Variants in ELMO1 observed in about 807,000 individuals in gnomAD.
ELMO1 encodes the protein engulfment and cell motility protein 1.
Under a neutral mutation model 98.9 loss-of-function variants are expected in ELMO1, and 26 were observed. The ratio of observed to expected loss-of-function variants is 0.26; its 90% CI spans 0.19 to 0.36. The LOEUF is 0.36. ELMO1 is among the 10% of genes least tolerant of loss of function. The pLI is 1.00. For missense variants in ELMO1, 627 were observed against 935.2 expected, an observed-to-expected ratio of 0.67 and a Z score of 4.30; for synonymous variants, 346 against 346.0, an observed-to-expected ratio of 1.00 and a Z score of 0.00.
rs566995811 is a variant in ELMO1, at chr7:37,333,969, C to T, written c.78+8644G>A. Among the ~76,000 whole-genome samples, 6 of 152,276 alleles carry T rather than the reference C, an allele frequency of 3.9e-5. No homozygotes were observed. In the South Asian group the frequency reaches 1.2e-3, roughly 32 times the overall value. On this transcript the variant is annotated intron_variant, in intron 2 of 21. Transcript: ENST00000310758. ...TCTTTAAAGGACTCACTAAAAGTTA[C>T]CGTGGGAGCCAAAGGTAGCTCCTGC...
At chr7:37,013,024 C>T (rs540800657) in intron 16 of ELMO1, among the ~76,000 whole-genome samples, 2 of 152,268 alleles carry the variant, frequency 1.3e-5, no homozygotes, top group Non-Finnish European at 2.9e-5. Context: ...GCCTTGATAA[C>T]GTGTCCCAAG....
At chr7:37,141,025 T>C (rs1055650453) in intron 13 of ELMO1, among the ~76,000 whole-genome samples, 1 of 152,186 alleles carries the variant, frequency 6.6e-6, no homozygotes, top group African/African-American at 2.4e-5. Context: ...GCAATCCCAC[T>C]ACTAGGTATT....
chr7:37,139,969 G>T (rs192228897), intron 13 of ELMO1, among the ~76,000 whole-genome samples: 3 of 152,210 alleles, frequency 2.0e-5, no homozygotes, highest in African/African-American at 7.2e-5. Context: ...AGTGGGAAAA[G>T]GACACCCTAT....
chr7:37,133,914 C>T (rs1277893225), intron 13 of ELMO1, among the ~76,000 whole-genome samples: 1 of 152,108 alleles, frequency 6.6e-6, no homozygotes, highest in Non-Finnish European at 1.5e-5. Flanking sequence ...AACTCAAACA[C>T]CTCAGCAACA....
chr7:37,391,052 CT>C (rs1368674072), intron 1 of ELMO1, among the ~76,000 whole-genome samples: 10 of 149,662 alleles, frequency 6.7e-5, no homozygotes, highest in East Asian at 2.0e-4. Context: ...TCCTTCCTTC[CT>C]TCCTTCCTCC....
At chr7:36,894,033 C>A (rs1401115965) in intron 17 of ELMO1, among the ~76,000 whole-genome samples, 1 of 152,152 alleles carries the variant, frequency 6.6e-6, no homozygotes, top group African/African-American at 2.4e-5. Context: ...TGTGTCCAGT[C>A]TTCTGAGGAC....
chr7:36,968,998 T>C (rs1465813655), intron 16 of ELMO1, among the ~76,000 whole-genome samples: 1 of 152,134 alleles, frequency 6.6e-6, no homozygotes, highest in Non-Finnish European at 1.5e-5. Flanking sequence ...ATTTCCTCTT[T>C]GGTTCAGTGG....
chr7:37,261,265 AG>A (rs1795963526), intron 5 of ELMO1, among the ~76,000 whole-genome samples: 2 of 152,238 alleles, frequency 1.3e-5, no homozygotes, highest in East Asian at 3.8e-4. Flanking sequence ...AGTTCAGGGA[AG>A]TTAGGTAACT....
rs976027753 is a variant in ELMO1, at chr7:36,855,987, G to A, written c.1984-236C>T. 6.6e-6 allele frequency among the ~76,000 whole-genome samples: 1 copy of A among 152,214 alleles called. No individual in the cohort carries two copies. Among genetic ancestry groups the A allele is most frequent in the Non-Finnish European group, 1.5e-5 (1 of 68,034 alleles). On this transcript the variant is annotated intron_variant, in intron 21 of 21. Transcript: ENST00000310758. The surrounding 1 kb of genome is among the most constrained non-coding windows in gnomAD (Gnocchi z 4.2). ...AGTGACTCAGTATTATGTAGACCGG[G>A]TGGGATTTGAACCCAGGCAATCTGA...
Position 37,291,971 on chromosome 7 carries a change from CTTT to C in ELMO1, c.193-20092_193-20090del, listed in dbSNP as rs1419864713. Among the ~76,000 whole-genome samples, 134 of 32,016 alleles carry C rather than the reference CTTT, an allele frequency of 4.2e-3. 4 individuals are homozygous for C. Among genetic ancestry groups the C allele is most frequent in the Admixed American group, 6.8e-3 (18 of 2,634 alleles). 21.0% of individuals were successfully genotyped at this position (32,016 alleles called of 152,430 possible). On this transcript the variant is annotated intron_variant, in intron 4 of 21. Transcript: ENST00000310758. ...CTGCCCACGGTCTCCCTCTCCCTCT[CTTT>C]CCACGGTCTCCCTCTGATGCCGAGC...
intron 16 of ELMO1, among the ~76,000 whole-genome samples, chr7:36,993,087 GGAA>G (rs1032019612): frequency 1.2e-4 from 18 of 152,230 alleles, no homozygotes; most frequent in African/African-American, 1.9e-4. Context: ...TGGCAAGCAA[GGAA>G]GAAGAAGAAG....
chr7:37,210,263 T>C (rs150435683), intron 13 of ELMO1, among the ~76,000 whole-genome samples: 37 of 152,274 alleles, frequency 2.4e-4, no homozygotes, highest in African/African-American at 8.7e-4. Context: ...AAGATATTAA[T>C]TATAGACTTA....
intron 16 of ELMO1, among the ~76,000 whole-genome samples, chr7:36,974,679 G>A (rs573320435): frequency 1.9e-3 from 288 of 152,294 alleles, no homozygotes; most frequent in African/African-American, 6.4e-3. Flanking sequence ...CAGGCTGCCC[G>A]AGCCAGCAGT....
rs58502667 is a variant in ELMO1, at chr7:37,247,895, A to ATGTGTGTGTGTGTGTGTGTG, written c.414-3524_414-3505dup. On this transcript the variant is annotated intron_variant, in intron 6 of 21. Coordinates refer to ENST00000310758, the MANE Select transcript of ELMO1 (RefSeq NM_014800.11). ...AAGTTTAAAATGGTTTTGAAATAAA[A>ATGTGTGTGTGTGTGTGTGTG]TGTGTGTGTGTGTGTGTGTGTGTGT... Among the ~76,000 whole-genome samples, 441 of 146,622 alleles carry ATGTGTGTGTGTGTGTGTGTG rather than the reference A, an allele frequency of 3.0e-3. 3 individuals are homozygous for ATGTGTGTGTGTGTGTGTGTG. Among genetic ancestry groups the ATGTGTGTGTGTGTGTGTGTG allele is most frequent in the African/African-American group, 9.3e-3 (374 of 40,002 alleles).
chr7:37,213,230 A>G (rs1216465523), intron 12 of ELMO1, 105 bp downstream of exon 12: 2 of 1,416,156 alleles, frequency 1.4e-6, no homozygotes, highest in Admixed American at 4.2e-5. Flanking sequence ...AAATGACATC[A>G]TATCAAACTC....
intron 14 of ELMO1, among the ~76,000 whole-genome samples, chr7:37,114,620 T>G (rs1454260972): frequency 1.3e-5 from 2 of 152,110 alleles, no homozygotes; most frequent in Non-Finnish European, 2.9e-5. Flanking sequence ...TAGAAGGATA[T>G]TTGTAGCAAA....
chr7:37,390,423 GC>G (rs1383853870), intron 1 of ELMO1, among the ~76,000 whole-genome samples: 1 of 151,864 alleles, frequency 6.6e-6, no homozygotes, highest in Non-Finnish European at 1.5e-5. Flanking sequence ...TCAGTAGGGT[GC>G]CCCAAGGAGC....
At position 36,895,134 on chromosome 7, in the gene ELMO1, T is replaced by A. The variant is rs1282679610; in HGVS notation, c.1438-117A>T. 3.4e-6 allele frequency: 4 copies of A among 1,187,576 alleles called. No individual in the cohort carries two copies. The African/African-American group carries it at 6.1e-5, about 18-fold the overall frequency. 73.6% of individuals were successfully genotyped at this position (1,187,576 alleles called of 1,614,324 possible). ...GTGCCCTCTGCACGCATGCTCAGCA[T>A]TAACCTTGAGCATGCTTTTCCAAAA... On this transcript the variant is annotated intron_variant, in intron 16 of 21. Coordinates refer to ENST00000310758, the MANE Select transcript of ELMO1 (RefSeq NM_014800.11).
At chr7:37,329,607 A>G (rs1443945750) in intron 2 of ELMO1, among the ~76,000 whole-genome samples, 1 of 152,192 alleles carries the variant, frequency 6.6e-6, no homozygotes, top group Non-Finnish European at 1.5e-5. Context: ...GAAAGGAGAT[A>G]TGCTGACACC....
Sources: allele counts gnomAD v4.1 joint callset (sites outside exome capture counted in the v4.1 genomes callset), GRCh38; gene constraint gnomAD v4.1.1; non-coding constraint Gnocchi (gnomAD v3.1); transcripts MANE v1.5; gene names NCBI Gene and HGNC (gene_info 2026-07-23, HGNC 2026-07-21).